The following ZNF536 variants were observed in gnomAD, a reference collection of about 807,000 sequenced individuals.
ZNF536 encodes the protein zinc finger protein 536.
Under a neutral mutation model 84.5 loss-of-function variants are expected in ZNF536, and 13 were observed. The observed-to-expected ratio is 0.15, with a 90% CI of 0.10 to 0.24. The LOEUF (loss-of-function observed/expected upper bound fraction) is 0.24, where lower values mean the gene tolerates loss of function less well. Ranked by LOEUF, ZNF536 falls within the 10% of genes least tolerant of loss-of-function variation. ZNF536 has a pLI of 1.00. For missense variants in ZNF536, 1,536 were observed against 1,747.5 expected (o/e 0.88, Z 2.16); for synonymous variants, 811 against 742.5 (o/e 1.09, Z -1.50).
intron 1 of ZNF536, among the ~76,000 whole-genome samples, chr19:30,392,758 A>G (rs1215144845): frequency 6.6e-6 from 1 of 152,238 alleles, no homozygotes; most frequent in African/African-American, 2.4e-5. Flanking sequence ...ATTACATTAC[A>G]GTAGAAGGAA....
chr19:30,232,257 T>C (rs996142653), intron 1 of ZNF536, among the ~76,000 whole-genome samples: 1 of 152,186 alleles, frequency 6.6e-6, no homozygotes, highest in African/African-American at 2.4e-5. Flanking sequence ...GAGAGTCTCC[T>C]CTCAGCTTCT....
Position 30,480,623 on chromosome 19 carries a change from G to A in ZNF536, c.2170+34891G>A, listed in dbSNP as rs1380437902. On this transcript the variant is annotated intron_variant, in intron 2 of 4. Coordinates refer to ENST00000355537, the MANE Select transcript of ZNF536 (RefSeq NM_014717.3). ...TGCAGGGCTTAAAACCTAGATGACGGATTGATAGGTGCAGCAAACCACCAT... is the reference window on the plus strand; with the variant it reads ...TGCAGGGCTTAAAACCTAGATGACGAATTGATAGGTGCAGCAAACCACCAT... 1.3e-5 allele frequency among the ~76,000 whole-genome samples: 2 copies of A among 152,102 alleles called. 1 individual carries two copies. The highest frequency in any genetic ancestry group is 4.8e-5 in the African/African-American group (2 of 41,412).
chr19:30,428,444 T>A (rs983018260), intron 1 of ZNF536, among the ~76,000 whole-genome samples: 4 of 152,194 alleles, frequency 2.6e-5, no homozygotes, highest in Non-Finnish European at 5.9e-5. Context: ...CTGTACACCT[T>A]CTTGAAGCAG....
Position 30,388,495 on chromosome 19 carries a change from C to T in ZNF536, c.-3+15939C>T, listed in dbSNP as rs534417397. On this transcript the variant is annotated intron_variant, in intron 1 of 4. Coordinates refer to ENST00000355537, the MANE Select transcript of ZNF536 (RefSeq NM_014717.3). ...ACTGGAAGGTGGGAGTTCCACCCCA[C>T]AGAGACCACCCAGCGGTGGCCATGC... Among the ~76,000 whole-genome samples, 35 of 152,294 alleles carry T rather than the reference C, an allele frequency of 2.3e-4. 1 individual carries two copies. In the South Asian group the frequency reaches 6.4e-3, roughly 28 times the overall value.
intron 3 of ZNF536, among the ~76,000 whole-genome samples, chr19:30,362,107 G>T (rs1202142081): frequency 6.6e-6 from 1 of 152,172 alleles, no homozygotes; most frequent in Non-Finnish European, 1.5e-5. Context: ...GAGAGATCTG[G>T]GTTGGATCTC....
chr19:30,307,642 A>G (rs2046380573), intron 2 of ZNF536, among the ~76,000 whole-genome samples: 1 of 152,008 alleles, frequency 6.6e-6, no homozygotes, highest in African/African-American at 2.4e-5. Flanking sequence ...TAACATTCTC[A>G]GTGGGCTGTG....
intron 3 of ZNF536, among the ~76,000 whole-genome samples, chr19:30,543,304 G>A (rs2045406013): frequency 6.6e-6 from 1 of 152,234 alleles, no homozygotes; most frequent in Non-Finnish European, 1.5e-5. Context: ...GTCACCATAG[G>A]ACTCTTGACC....
intron 2 of ZNF536, among the ~76,000 whole-genome samples, chr19:30,505,524 G>A (rs1414012345): frequency 1.3e-5 from 2 of 150,314 alleles, no homozygotes; most frequent in East Asian, 1.9e-4. Flanking sequence ...GATAGCCAAA[G>A]ATGTTTGACC....
At chr19:30,674,760 C>T (rs549935080) in intron 1 of ZNF536, among the ~76,000 whole-genome samples, 1 of 152,172 alleles carries the variant, frequency 6.6e-6, no homozygotes, top group Admixed American at 6.5e-5. Context: ...ATAAAAGCCT[C>T]CTGTATAGTG....
At chr19:30,263,126 G>A (rs2025315162) in intron 1 of ZNF536, among the ~76,000 whole-genome samples, 1 of 152,136 alleles carries the variant, frequency 6.6e-6, no homozygotes. Context: ...TGCTTGGTGG[G>A]AGCAGCATGG....
intron 2 of ZNF536, chr19:30,296,223 G>A (rs1443534196): frequency 6.6e-6 from 1 of 152,398 alleles, no homozygotes; most frequent in Non-Finnish European, 1.5e-5. Context: ...GAGGTGGAAG[G>A]GCAGTAGGAT....
chr19:30,669,868 A>G (rs2050476708), intron 1 of ZNF536, among the ~76,000 whole-genome samples: 1 of 152,212 alleles, frequency 6.6e-6, no homozygotes, highest in East Asian at 1.9e-4. Flanking sequence ...GCACGAATAG[A>G]GCGTCTGCTG....
At chr19:30,401,934 G>C (rs926909502) in intron 1 of ZNF536, among the ~76,000 whole-genome samples, 5 of 152,178 alleles carry the variant, frequency 3.3e-5, no homozygotes, top group Non-Finnish European at 5.9e-5. Flanking sequence ...ATTAAATAAA[G>C]ACTGTGAAAT....
chr19:30,609,497 G>T (rs1003867591), intron 1 of ZNF536, among the ~76,000 whole-genome samples: 26 of 152,180 alleles, frequency 1.7e-4, no homozygotes, highest in Non-Finnish European at 8.8e-5. Context: ...GCTGGCAAAT[G>T]AAATAATTTT....
At chr19:30,333,009 G>A (rs1600256284) in intron 2 of ZNF536, among the ~76,000 whole-genome samples, 1 of 152,130 alleles carries the variant, frequency 6.6e-6, no homozygotes, top group East Asian at 1.9e-4. Context: ...TTGAGCCCAG[G>A]GGGTCGAGGC....
rs866347483 is a variant in ZNF536 at position 30,549,323 on chromosome 19, G to A, written c.3704G>A (p.Ser1235Asn). Reference protein sequence around the residue: ...LSQAPEKQWHSQGLLQAQDPL... With the variant: ...LSQAPEKQWHNQGLLQAQDPL... ...CAAGCACCGGAGAAGCAGTGGCACA[G>A]CCAGGGTCTTCTCCAAGCCCAGGAC... Residue 1235 changes from serine to asparagine, a missense_variant, in exon 4 of 5, where the codon AGC becomes AAC. Physicochemically the swap from Ser to Asn is conservative, Grantham distance 46. This residue lies in a region of ZNF536 where 624 missense variants were observed against 603.1 expected (regional missense o/e 1.03). Transcript: ENST00000355537. 6.2e-6 allele frequency: 10 copies of A among 1,610,896 alleles called. No homozygotes were observed. The highest frequency in any genetic ancestry group is 8.5e-6 in the Non-Finnish European group (10 of 1,178,280).
chr19:30,364,079 G>A lies in ZNF536; in HGVS notation c.-3+11595G>A, dbSNP rs1034806319. 5.9e-5 allele frequency among the ~76,000 whole-genome samples: 9 copies of A among 152,208 alleles called. No homozygotes were observed. In the South Asian group the frequency reaches 1.0e-3, roughly 17 times the overall value. On this transcript the variant is annotated intron_variant, in intron 3 of 5. Transcript: ENST00000585628. Reference sequence around the variant, plus strand: ...GAGATGTATAGGATATAGCATAAGAGCAGGCAAGCGTGGAGGTGTAGGCTG... The same window carrying A: ...GAGATGTATAGGATATAGCATAAGAACAGGCAAGCGTGGAGGTGTAGGCTG...
chr19:30,229,762 A>C (rs2022891830), intron 1 of ZNF536, among the ~76,000 whole-genome samples: 1 of 152,114 alleles, frequency 6.6e-6, no homozygotes, highest in Admixed American at 6.5e-5. Flanking sequence ...TAATGATAGC[A>C]CTGACGTCCT....
chr19:30,645,488 C>T (rs1469480651), intron 1 of ZNF536, among the ~76,000 whole-genome samples: 3 of 152,128 alleles, frequency 2.0e-5, no homozygotes, highest in Non-Finnish European at 4.4e-5. Flanking sequence ...GAGGATATGA[C>T]TATTATAGGA....
Sources: gnomAD v4.1 joint callset for allele counts (sites outside exome capture counted in the v4.1 genomes callset) on GRCh38, gnomAD v4.1.1 for gene constraint, gnomAD v4.1.1 regional missense constraint, MANE v1.5 for transcripts, NCBI Gene and HGNC (gene_info 2026-07-23, HGNC 2026-07-21) for gene names.